AGTPBP1: variants seen among roughly 807,000 people sequenced by gnomAD.
AGTPBP1 encodes cytosolic carboxypeptidase 1.
A neutral mutation model predicts 143.9 loss-of-function variants in AGTPBP1; 70 were observed. The observed-to-expected ratio is 0.49, with a 90% CI of 0.40 to 0.59. The LOEUF (loss-of-function observed/expected upper bound fraction) is 0.59. Among genes scored for constraint, AGTPBP1 ranks in the 20% least tolerant of loss-of-function variants. The pLI is 0.00. For synonymous variants in AGTPBP1, 463 were observed against 500.2 expected (o/e 0.93, Z 0.99); for missense variants, 1,229 against 1,464.5 (o/e 0.84, Z 2.62).
At chr9:85,594,407 G>A (rs563083259) in intron 18 of AGTPBP1, among the ~76,000 whole-genome samples, 5 of 151,998 alleles carry the variant, frequency 3.3e-5, no homozygotes, top group African/African-American at 1.2e-4. Context: ...TCGCAACATG[G>A]TGAAAACCCA....
At chr9:85,620,108 A>C (rs12353250) in intron 15 of AGTPBP1, among the ~76,000 whole-genome samples, 3,599 of 152,180 alleles carry the variant, frequency 0.024, 122 homozygotes, top group African/African-American at 0.075. Context: ...CAAAACTTTA[A>C]AAGAAAAAAA....
intron 2 of AGTPBP1, among the ~76,000 whole-genome samples, chr9:85,702,645 CTCTG>C (rs1446175366): frequency 6.6e-6 from 1 of 150,740 alleles, no homozygotes; most frequent in Non-Finnish European, 1.5e-5. Context: ...GGTAACGACT[CTCTG>C]TCTCTCTCTC....
At chr9:85,770,061 T>TTG in the AGTPBP1 span, among the ~76,000 whole-genome samples, 19,868 of 148,156 alleles carry the variant, frequency 0.13, 1,501 homozygotes, top group African/African-American at 0.23. Context: ...TGTTAATCTG[T>TTG]TGTGTGTGTG....
intron 3 of AGTPBP1, among the ~76,000 whole-genome samples, chr9:85,684,230 A>G (rs1835359611): frequency 6.6e-6 from 1 of 152,140 alleles, no homozygotes. Context: ...CCTCATTAAA[A>G]TGAAGCAAAG....
At chr9:85,586,557 A>G (rs1168886731) in intron 22 of AGTPBP1, among the ~76,000 whole-genome samples, 1 of 152,214 alleles carries the variant, frequency 6.6e-6, no homozygotes, top group Non-Finnish European at 1.5e-5. Flanking sequence ...ATAAGCTTCT[A>G]GTTTGAGAAT....
intron 1 of AGTPBP1, chr9:85,741,350 G>A: frequency 9.1e-6 from 9 of 985,410 alleles, no homozygotes; most frequent in Non-Finnish European, 1.1e-5. Flanking sequence ...TACCACTGGG[G>A]CGGGGGAGAG....
chr9:85,771,113 T>C, the AGTPBP1 span, among the ~76,000 whole-genome samples: 2 of 152,324 alleles, frequency 1.3e-5, no homozygotes, highest in Middle Eastern at 3.4e-3. Context: ...TATTATGAAG[T>C]GTTAAACAAT....
the AGTPBP1 span, among the ~76,000 whole-genome samples, chr9:85,785,324 A>G: frequency 2.0e-5 from 3 of 151,478 alleles, no homozygotes; most frequent in East Asian, 5.8e-4. Context: ...ACAGAGCGAG[A>G]CTCCGTCTCA....
At chr9:85,638,704 T>C (rs1832249463) in intron 13 of AGTPBP1, among the ~76,000 whole-genome samples, 1 of 151,878 alleles carries the variant, frequency 6.6e-6, no homozygotes, top group Non-Finnish European at 1.5e-5. Context: ...GATAGTAACT[T>C]CATAATGATA....
chr9:85,770,037 G>C, the AGTPBP1 span, among the ~76,000 whole-genome samples: 1 of 151,098 alleles, frequency 6.6e-6, no homozygotes, highest in Non-Finnish European at 1.5e-5. Context: ...TTTATTGTGA[G>C]GGCTTAATGA....
chr9:85,549,803 A>G (rs1825932000), intron 25 of AGTPBP1, among the ~76,000 whole-genome samples: 1 of 152,234 alleles, frequency 6.6e-6, no homozygotes, highest in African/African-American at 2.4e-5. Context: ...TTCACAAGAA[A>G]TGCTTAGGAA....
intron 1 of AGTPBP1, among the ~76,000 whole-genome samples, chr9:85,737,721 G>A (rs79249877): frequency 0.013 from 1,929 of 152,236 alleles, 40 homozygotes; most frequent in African/African-American, 0.044. Context: ...TCCAACCAAT[G>A]GGTTTTACTA....
At chr9:85,759,237 C>T in the AGTPBP1 span, among the ~76,000 whole-genome samples, 1 of 152,042 alleles carries the variant, frequency 6.6e-6, no homozygotes, top group East Asian at 1.9e-4. Flanking sequence ...ACAAGGATAT[C>T]CAGAAATTGA....
chr9:85,741,292 G>T (rs1824246318), intron 1 of AGTPBP1: 1 of 985,300 alleles, frequency 1.0e-6, no homozygotes, highest in Non-Finnish European at 1.2e-6. Flanking sequence ...GCTCAGTCGG[G>T]AACGCTAGAA....
rs1299050383 is a variant in AGTPBP1 at position 85,657,198 on chromosome 9, T to C, written c.909+237A>G. Among the ~76,000 whole-genome samples, 6 of 111,298 alleles carry C rather than the reference T, an allele frequency of 5.4e-5. No individual in the cohort carries two copies. In the South Asian group the frequency reaches 1.4e-3, roughly 25 times the overall value. 73.0% of individuals were successfully genotyped at this position (111,298 alleles called of 152,430 possible). A position where few individuals can be genotyped will look rare whatever the true frequency, so the allele number is the denominator to read the frequency against. ...AAGTATAATAATAAAAAAAAAATAATACAAAAAAAAAAAAAGAAAGAAAAT... is the reference window on the plus strand; with the variant it reads ...AAGTATAATAATAAAAAAAAAATAACACAAAAAAAAAAAAAGAAAGAAAAT... On this transcript the variant is annotated intron_variant, in intron 10 of 25. Transcript: ENST00000357081.
At chr9:85,675,749 G>C (rs1344324448) in intron 6 of AGTPBP1, among the ~76,000 whole-genome samples, 1 of 152,162 alleles carries the variant, frequency 6.6e-6, no homozygotes, top group Non-Finnish European at 1.5e-5. Flanking sequence ...ATTTCGGCTG[G>C]GTGCGGTGGC....
intron 17 of AGTPBP1, among the ~76,000 whole-genome samples, chr9:85,616,903 C>T (rs1830633016): frequency 6.6e-6 from 1 of 151,960 alleles, no homozygotes; most frequent in South Asian, 2.1e-4. Context: ...AATATACTTG[C>T]TGAACTTTTA....
intron 8 of AGTPBP1, 120 bp downstream of exon 8, chr9:85,669,365 C>A: frequency 4.2e-6 from 2 of 477,898 alleles, no homozygotes; most frequent in South Asian, 4.9e-5. Context: ...TATTTAAGAA[C>A]TAAGAAATGA....
chr9:85,605,870 C>T (rs1417799199), intron 17 of AGTPBP1, among the ~76,000 whole-genome samples: 1 of 151,790 alleles, frequency 6.6e-6, no homozygotes, highest in East Asian at 1.9e-4. Context: ...CTGCAAGCCT[C>T]ACAGTAATCT....
Sources: gnomAD v4.1 joint callset for allele counts (sites outside exome capture counted in the v4.1 genomes callset) on GRCh38, gnomAD v4.1.1 for gene constraint, MANE v1.5 for transcripts, NCBI Gene and HGNC (gene_info 2026-07-23, HGNC 2026-07-21) for gene names.